The following FTCDNL1 variants were observed in gnomAD, a reference collection of about 807,000 sequenced individuals.
FTCDNL1 encodes the protein formiminotransferase cyclodeaminase N-terminal like, also known as formiminotransferase N-terminal subdomain-containing protein.
Under a neutral mutation model 5.9 loss-of-function variants are expected in FTCDNL1, and 11 were observed. The ratio of observed to expected loss-of-function variants is 1.87; its 90% CI spans 1.18 to 3.10. FTCDNL1 has a LOEUF of 3.10. FTCDNL1 is among the 30% of genes most tolerant of loss of function. The probability of loss-of-function intolerance (pLI) is 0.00; values close to 1 mark genes in which losing one functional copy is unlikely to be tolerated. For missense variants in FTCDNL1, 115 were observed against 65.5 expected (o/e 1.76, Z -2.61); for synonymous variants, 58 against 24.8 (o/e 2.34, Z -3.99).
At chr2:199,828,758 A>G (rs1391525446) in intron 3 of FTCDNL1, among the ~76,000 whole-genome samples, 2 of 152,232 alleles carry the variant, frequency 1.3e-5, no homozygotes, top group Non-Finnish European at 2.9e-5. Flanking sequence ...TAGTTACTCA[A>G]TAAAGGTTTA....
the FTCDNL1 span, among the ~76,000 whole-genome samples, chr2:199,672,109 T>C: frequency 2.6e-5 from 4 of 152,190 alleles, no homozygotes; most frequent in Admixed American, 6.5e-5. Flanking sequence ...GTACTGGGGA[T>C]ACCAGTGTGT....
chr2:199,701,308 A>G, the FTCDNL1 span, among the ~76,000 whole-genome samples: 1 of 1,260 alleles, frequency 7.9e-4, no homozygotes, highest in Non-Finnish European at 5.0e-3. Flanking sequence ...TTAAAAAAAA[A>G]AAAAAAAAAA....
At chr2:199,695,320 C>CTAA in the FTCDNL1 span, among the ~76,000 whole-genome samples, 3 of 152,128 alleles carry the variant, frequency 2.0e-5, no homozygotes, top group Non-Finnish European at 4.4e-5. Context: ...TTAAACATCA[C>CTAA]TAATAACATT....
downstream of FTCDNL1, among the ~76,000 whole-genome samples, chr2:199,805,507 G>A (rs764944247): frequency 1.3e-5 from 2 of 152,130 alleles, no homozygotes; most frequent in African/African-American, 2.4e-5. Context: ...GGGAGGCCGG[G>A]GCAGGCGGAT....
intron 3 of FTCDNL1, among the ~76,000 whole-genome samples, chr2:199,775,142 T>C (rs1698995676): frequency 6.6e-6 from 1 of 152,186 alleles, no homozygotes; most frequent in Non-Finnish European, 1.5e-5. Context: ...AAAATCACAT[T>C]CATTGTCTGC....
intron 2 of FTCDNL1, among the ~76,000 whole-genome samples, chr2:199,847,015 A>T (rs4672567): frequency 0.055 from 8,316 of 152,264 alleles, 406 homozygotes; most frequent in East Asian, 0.16. Flanking sequence ...AAAACAAGTT[A>T]CACCCAGGAA....
intron 3 of FTCDNL1, among the ~76,000 whole-genome samples, chr2:199,777,300 A>G (rs1428582085): frequency 6.6e-6 from 1 of 152,086 alleles, no homozygotes; most frequent in East Asian, 1.9e-4. Context: ...CTCCAAAAAA[A>G]GAAAAAAAGA....
chr2:199,785,656 T>G (rs926761321), intron 3 of FTCDNL1: 1 of 152,196 alleles, frequency 6.6e-6, no homozygotes, highest in Non-Finnish European at 1.5e-5. Flanking sequence ...TGAATTTTTT[T>G]GTCTTTTAGA....
chr2:199,762,878 GACA>G (rs1418183592), intron 3 of FTCDNL1, among the ~76,000 whole-genome samples: 11 of 152,108 alleles, frequency 7.2e-5, no homozygotes, highest in Non-Finnish European at 1.5e-5. Flanking sequence ...AAACTGCAAG[GACA>G]ACATCATTCC....
At chr2:199,817,653 G>C (rs921828857) in intron 4 of FTCDNL1, among the ~76,000 whole-genome samples, 24 of 150,992 alleles carry the variant, frequency 1.6e-4, no homozygotes, top group African/African-American at 5.8e-4. Flanking sequence ...TGAGGTGGGG[G>C]AATCACCTGA....
chr2:199,796,181 T>C (rs1158459333), intron 3 of FTCDNL1, among the ~76,000 whole-genome samples: 1 of 152,242 alleles, frequency 6.6e-6, no homozygotes, highest in African/African-American at 2.4e-5. Flanking sequence ...AACAAGGTTT[T>C]ACTTTTTTGT....
the FTCDNL1 span, among the ~76,000 whole-genome samples, chr2:199,710,473 C>A: frequency 6.6e-6 from 1 of 152,082 alleles, no homozygotes; most frequent in Admixed American, 6.6e-5. Flanking sequence ...CTGGAGGGCT[C>A]TCAAGACTCT....
chr2:199,680,521 G>A, the FTCDNL1 span, among the ~76,000 whole-genome samples: 1 of 152,212 alleles, frequency 6.6e-6, no homozygotes, highest in Non-Finnish European at 1.5e-5. Context: ...AGATTTAGGA[G>A]CTCTGACAGT....
At chr2:199,752,742 G>C in the FTCDNL1 span, among the ~76,000 whole-genome samples, 6,143 of 23,466 alleles carry the variant, frequency 0.26, 219 homozygotes, top group East Asian at 0.52. Context: ...CTCTCTCTCT[G>C]TGTGTGTGTG....
At chr2:199,727,459 T>C in the FTCDNL1 span, among the ~76,000 whole-genome samples, 4 of 152,222 alleles carry the variant, frequency 2.6e-5, no homozygotes, top group South Asian at 4.1e-4. Context: ...GTGGCAAAAG[T>C]GTGGCTTCCC....
chr2:199,724,938 T>A, the FTCDNL1 span, among the ~76,000 whole-genome samples: 1 of 151,598 alleles, frequency 6.6e-6, no homozygotes, highest in Non-Finnish European at 1.5e-5. Context: ...TGAATATCTT[T>A]AAAAAATTTT....
At chr2:199,806,538 C>T (rs1469098503), downstream of FTCDNL1, among the ~76,000 whole-genome samples, 1 of 152,210 alleles carries the variant, frequency 6.6e-6, no homozygotes, top group East Asian at 1.9e-4. Context: ...GCAGATCTCT[C>T]ACAGAGTGGT....
At chr2:199,739,935 G>A in the FTCDNL1 span, among the ~76,000 whole-genome samples, 7 of 152,104 alleles carry the variant, frequency 4.6e-5, no homozygotes, top group Admixed American at 4.6e-4. Context: ...CCTGGGACAC[G>A]GTGGGGTTTG....
the FTCDNL1 span, among the ~76,000 whole-genome samples, chr2:199,741,094 T>C: frequency 2.0e-5 from 3 of 152,124 alleles, no homozygotes; most frequent in African/African-American, 2.4e-5. Context: ...ATTAGAAAGA[T>C]TAAATAACTT....
Sources: gnomAD v4.1 joint callset for allele counts (sites outside exome capture counted in the v4.1 genomes callset) on GRCh38, gnomAD v4.1.1 for gene constraint, MANE v1.5 for transcripts, NCBI Gene and HGNC (gene_info 2026-07-23, HGNC 2026-07-21) for gene names.